Variants in ANO1 observed in about 807,000 individuals in gnomAD.
ANO1 encodes anoctamin 1.
A neutral mutation model predicts 124.0 loss-of-function variants in ANO1; 59 were observed. The ratio of observed to expected loss-of-function variants is 0.48; its 90% CI spans 0.39 to 0.59. The LOEUF (loss-of-function observed/expected upper bound fraction) is 0.59. Ranked by LOEUF, ANO1 falls within the 20% of genes least tolerant of loss-of-function variation. The pLI is 0.00. For missense variants in ANO1, 1,059 were observed against 1,328.0 expected, an observed-to-expected ratio of 0.80 and a Z score of 3.15; for synonymous variants, 529 against 532.0, an observed-to-expected ratio of 0.99 and a Z score of 0.08.
chr11:70,182,444 G>T (rs965302191), intron 23 of ANO1, 58 bp from the exon 24 acceptor site: 3 of 1,408,884 alleles, frequency 2.1e-6, no homozygotes, highest in Non-Finnish European at 1.9e-6. Flanking sequence ...CCCCTGTTGC[G>T]GCCGGCCCTT....
Position 70,150,888 on chromosome 11 carries a change from T to G in ANO1, c.1341+1096T>G, listed in dbSNP as rs1590864999. 2.0e-5 allele frequency among the ~76,000 whole-genome samples: 3 copies of G among 152,260 alleles called. No homozygotes were observed. The South Asian group carries it at 6.2e-4, about 32-fold the overall frequency. On this transcript the variant is annotated intron_variant, in intron 12 of 25. Coordinates refer to ENST00000355303, the MANE Select transcript of ANO1 (RefSeq NM_018043.7). Reference sequence around the variant, plus strand: ...TTTTTTTTAACTTTTCTATTGTCTTTTCTCACACAATCTGCTCCCTCTCAG... The same window carrying G: ...TTTTTTTTAACTTTTCTATTGTCTTGTCTCACACAATCTGCTCCCTCTCAG...
At chr11:70,110,265 C>T (rs2045720620) in intron 6 of ANO1, among the ~76,000 whole-genome samples, 1 of 148,564 alleles carries the variant, frequency 6.7e-6, no homozygotes, top group Admixed American at 6.8e-5. Flanking sequence ...CAACTCACTG[C>T]AACCTCTGCC....
At chr11:70,000,885 C>A (rs1488201692) in intron 1 of ANO1, among the ~76,000 whole-genome samples, 3 of 151,350 alleles carry the variant, frequency 2.0e-5, no homozygotes, top group Non-Finnish European at 4.4e-5. Flanking sequence ...ACAAATCACA[C>A]GTTGAACAAA....
intron 1 of ANO1, among the ~76,000 whole-genome samples, chr11:70,014,193 G>A (rs1379095120): frequency 2.0e-5 from 3 of 152,076 alleles, no homozygotes; most frequent in Admixed American, 2.0e-4. Flanking sequence ...TCACTCCTTA[G>A]GAGCTCAGCG....
chr11:70,121,770 G>C (rs1238271411), intron 8 of ANO1, among the ~76,000 whole-genome samples: 2 of 109,044 alleles, frequency 1.8e-5, no homozygotes, highest in African/African-American at 3.7e-5. Flanking sequence ...CCACCTCTCT[G>C]TCTGTCTCTC....
chr11:70,009,687 T>C (rs564245493), intron 1 of ANO1, among the ~76,000 whole-genome samples: 1 of 152,252 alleles, frequency 6.6e-6, no homozygotes, highest in South Asian at 2.1e-4. Flanking sequence ...CTCAGGAAGC[T>C]TCTACTCATG....
intron 1 of ANO1, among the ~76,000 whole-genome samples, chr11:70,019,451 G>A (rs1351926113): frequency 3.3e-5 from 5 of 152,180 alleles, no homozygotes; most frequent in African/African-American, 1.2e-4. Context: ...GGGTGCCGCA[G>A]GAAATGGTCC....
intron 1 of ANO1, chr11:70,065,292 G>A (rs1248148454): frequency 3.3e-5 from 5 of 152,300 alleles, no homozygotes; most frequent in African/African-American, 1.2e-4. Context: ...CACAGCGGTT[G>A]GGGTCTCCTG....
At chr11:70,023,389 CTAG>C (rs1856839422) in intron 1 of ANO1, among the ~76,000 whole-genome samples, 1 of 152,210 alleles carries the variant, frequency 6.6e-6, no homozygotes, top group Non-Finnish European at 1.5e-5. Context: ...TAAACCATGT[CTAG>C]TGGATTTGTT....
intron 10 of ANO1, among the ~76,000 whole-genome samples, chr11:70,131,214 A>G (rs1488977227): frequency 2.0e-5 from 3 of 152,126 alleles, no homozygotes; most frequent in Non-Finnish European, 4.4e-5. Flanking sequence ...ACCACAAAGC[A>G]GGTCTGGGTG....
chr11:70,038,063 GT>G (rs577693792), intron 1 of ANO1, among the ~76,000 whole-genome samples: 332 of 152,286 alleles, frequency 2.2e-3, no homozygotes, highest in African/African-American at 7.5e-3. Flanking sequence ...GAGGCAGGAG[GT>G]TTGTGTGAGG....
upstream of ANO1, among the ~76,000 whole-genome samples, chr11:69,981,590 C>T (rs939368388): frequency 8.5e-5 from 13 of 152,194 alleles, no homozygotes; most frequent in African/African-American, 2.2e-4. Flanking sequence ...CCAGCAACAG[C>T]GCTTTGCTGC....
intron 1 of ANO1, among the ~76,000 whole-genome samples, chr11:70,080,693 G>A (rs1416157807): frequency 6.6e-6 from 1 of 152,234 alleles, no homozygotes; most frequent in Non-Finnish European, 1.5e-5. Context: ...AGGCAGCTGG[G>A]CCCAGATGAG....
intron 7 of ANO1, among the ~76,000 whole-genome samples, chr11:70,114,286 A>C (rs548713380): frequency 6.6e-6 from 1 of 152,360 alleles, no homozygotes; most frequent in South Asian, 2.1e-4. Context: ...AGGTATCCTT[A>C]GGGAATATGG....
chr11:70,093,603 G>T (rs887105483), intron 2 of ANO1, among the ~76,000 whole-genome samples: 7 of 152,178 alleles, frequency 4.6e-5, no homozygotes, highest in African/African-American at 1.2e-4. Context: ...TCCTGAGAAG[G>T]CCGTGGACAT....
chr11:70,082,143 C>T (rs2044219954), intron 1 of ANO1, among the ~76,000 whole-genome samples: 1 of 152,222 alleles, frequency 6.6e-6, no homozygotes, highest in Non-Finnish European at 1.5e-5. Flanking sequence ...GCTTCTGTAT[C>T]CTTGGATCTG....
intron 1 of ANO1, among the ~76,000 whole-genome samples, chr11:69,990,455 T>C (rs1348553407): frequency 6.6e-6 from 1 of 152,264 alleles, no homozygotes; most frequent in Non-Finnish European, 1.5e-5. Flanking sequence ...AATGAGCATT[T>C]GCATGTGAGT....
At chr11:69,970,400 C>G in the ANO1 span, among the ~76,000 whole-genome samples, 2 of 152,224 alleles carry the variant, frequency 1.3e-5, no homozygotes, top group Non-Finnish European at 2.9e-5. Context: ...GTGGTGTTCA[C>G]TTTCCAAGTG....
At chr11:70,036,558 A>T (rs868913632) in intron 1 of ANO1, among the ~76,000 whole-genome samples, 9 of 152,118 alleles carry the variant, frequency 5.9e-5, no homozygotes, top group Middle Eastern at 6.8e-3. Flanking sequence ...TCTCTCTTCT[A>T]TGCTGGCCCT....
Sources: allele counts gnomAD v4.1 joint callset (sites outside exome capture counted in the v4.1 genomes callset), GRCh38; gene constraint gnomAD v4.1.1; transcripts MANE v1.5; gene names NCBI Gene and HGNC (gene_info 2026-07-23, HGNC 2026-07-21).